Variants in CNBD1 observed in about 807,000 individuals in gnomAD.
CNBD1 encodes cyclic nucleotide binding domain containing 1, also known as cyclic nucleotide-binding domain-containing protein 1.
A neutral mutation model predicts 54.4 loss-of-function variants in CNBD1; 71 were observed. The ratio of observed to expected loss-of-function variants is 1.30; its 90% CI spans 1.08 to 1.59. CNBD1 has a LOEUF of 1.59. CNBD1 is among the 40% of genes most tolerant of loss of function. The pLI, the probability that CNBD1 is intolerant of heterozygous loss-of-function variation, is 0.00. For missense variants in CNBD1, 659 were observed against 518.0 expected (o/e 1.27, Z -2.64); for synonymous variants, 182 against 170.7 (o/e 1.07, Z -0.51).
intron 6 of CNBD1, among the ~76,000 whole-genome samples, chr8:87,284,230 C>T (rs1808649977): frequency 6.6e-6 from 1 of 151,998 alleles, no homozygotes; most frequent in African/African-American, 2.4e-5. Context: ...TTATTGTTTA[C>T]ATATTAAATT....
chr8:86,876,378 A>G (rs574282238), intron 1 of CNBD1, among the ~76,000 whole-genome samples: 1 of 152,054 alleles, frequency 6.6e-6, no homozygotes, highest in Admixed American at 6.6e-5. Context: ...ATCTTTGTGT[A>G]AAACCTTCTT....
chr8:87,298,531 C>A (rs531224895), intron 8 of CNBD1, among the ~76,000 whole-genome samples: 76 of 145,276 alleles, frequency 5.2e-4, no homozygotes, highest in Non-Finnish European at 9.6e-4. Flanking sequence ...GTCGCCCAGG[C>A]TGGAGTACAG....
intron 4 of CNBD1, among the ~76,000 whole-genome samples, chr8:87,167,595 G>A (rs1812991364): frequency 1.3e-5 from 2 of 151,740 alleles, no homozygotes; most frequent in African/African-American, 4.8e-5. Flanking sequence ...AGCATCCCAT[G>A]CTTTCTGAAC....
intron 10 of CNBD1, among the ~76,000 whole-genome samples, chr8:87,374,883 G>T (rs1052548615): frequency 1.3e-5 from 2 of 151,812 alleles, no homozygotes; most frequent in African/African-American, 4.8e-5. Flanking sequence ...GTTGAATTAA[G>T]CAACCAAGAT....
At chr8:86,870,399 GT>G (rs1808426828) in intron 1 of CNBD1, among the ~76,000 whole-genome samples, 1 of 151,552 alleles carries the variant, frequency 6.6e-6, no homozygotes, top group South Asian at 2.1e-4. Context: ...GGCTTTCACC[GT>G]GTTGGCCAGA....
intron 4 of CNBD1, among the ~76,000 whole-genome samples, chr8:86,955,631 C>T (rs911183799): frequency 6.6e-6 from 1 of 152,194 alleles, no homozygotes; most frequent in African/African-American, 2.4e-5. Flanking sequence ...TAAATATCTT[C>T]TTTTGAGAAG....
In CNBD1 at chr8:86,952,783, T is replaced by C. The variant is rs535823851; in HGVS notation, c.431+13029T>C. Among the ~76,000 whole-genome samples, 24 of 152,284 alleles carry C rather than the reference T, an allele frequency of 1.6e-4. 1 individual carries two copies. In the South Asian group the frequency reaches 2.7e-3, roughly 17 times the overall value. ...TTTTGACACGTGTAAATCTGTGGTA[T>C]AAACCATCACCGCAATTTAGATAAT... On this transcript the variant is annotated intron_variant, in intron 4 of 10. Coordinates refer to ENST00000518476, the MANE Select transcript of CNBD1 (RefSeq NM_173538.3).
chr8:87,420,664 T>G (rs1349152939), intron 2 of CNBD1, among the ~76,000 whole-genome samples: 1 of 152,082 alleles, frequency 6.6e-6, no homozygotes, highest in Non-Finnish European at 1.5e-5. Flanking sequence ...CTATTATGCT[T>G]TTGCTATTTA....
intron 6 of CNBD1, among the ~76,000 whole-genome samples, chr8:87,283,754 A>G (rs4302859): frequency 0.28 from 42,747 of 151,922 alleles, 6,456 homozygotes; most frequent in African/African-American, 0.39. Flanking sequence ...GCAAGGAGGC[A>G]CAATTCCAGG....
chr8:87,314,528 C>G (rs1809340162), intron 8 of CNBD1, among the ~76,000 whole-genome samples: 1 of 151,742 alleles, frequency 6.6e-6, no homozygotes. Context: ...ACACCAGAAC[C>G]ATTGCCATGA....
chr8:86,918,295 G>A (rs1482226234), intron 3 of CNBD1, among the ~76,000 whole-genome samples: 1 of 152,102 alleles, frequency 6.6e-6, no homozygotes, highest in Non-Finnish European at 1.5e-5. Context: ...GTGAATGGAA[G>A]TGTTTGACAG....
intron 4 of CNBD1, among the ~76,000 whole-genome samples, chr8:87,144,956 G>A (rs1344008485): frequency 6.6e-6 from 1 of 152,052 alleles, no homozygotes; most frequent in South Asian, 2.1e-4. Flanking sequence ...ATATAAAAGA[G>A]TGGTTAAGAA....
At chr8:87,087,801 G>A (rs572456914) in intron 4 of CNBD1, among the ~76,000 whole-genome samples, 2 of 152,214 alleles carry the variant, frequency 1.3e-5, no homozygotes, top group South Asian at 4.1e-4. Context: ...GGATTTTAGA[G>A]CTTGGAATTA....
intron 2 of CNBD1, among the ~76,000 whole-genome samples, chr8:86,893,407 A>C (rs1396707376): frequency 6.6e-6 from 1 of 152,164 alleles, no homozygotes; most frequent in East Asian, 1.9e-4. Flanking sequence ...AATCTTGCAC[A>C]CTGTCCCAAC....
At chr8:86,944,590 A>G (rs942404778) in intron 4 of CNBD1, among the ~76,000 whole-genome samples, 1 of 152,242 alleles carries the variant, frequency 6.6e-6, no homozygotes, top group Admixed American at 6.5e-5. Flanking sequence ...GTCTGCAAAT[A>G]GAAAAACAAA....
intron 2 of CNBD1, among the ~76,000 whole-genome samples, chr8:87,411,397 CATATATATATATATATAT>C (rs6150689): frequency 5.4e-5 from 5 of 92,412 alleles, no homozygotes; most frequent in Non-Finnish European, 4.0e-5. Context: ...CTAGCTATAT[CATATATATATATATATAT>C]ATATATATAT....
chr8:87,227,269 T>C lies in CNBD1; in HGVS notation c.578-9650T>C, dbSNP rs1243362770. 1.1e-4 allele frequency among the ~76,000 whole-genome samples: 17 copies of C among 149,360 alleles called. No individual in the cohort carries two copies. The East Asian group carries it at 3.4e-3, about 29-fold the overall frequency. ...AAAGTTAATAGTGTTATGTGTGAAT[T>C]TGATCCTGTCATTATGATGTTAGCT... On this transcript the variant is annotated intron_variant, in intron 5 of 10. Coordinates refer to ENST00000518476, the MANE Select transcript of CNBD1 (RefSeq NM_173538.3).
chr8:87,291,262 C>T (rs550823679), intron 8 of CNBD1, among the ~76,000 whole-genome samples: 4 of 141,410 alleles, frequency 2.8e-5, no homozygotes, highest in African/African-American at 8.0e-5. Context: ...GTGTCACTAT[C>T]GCCATTGAGG....
intron 8 of CNBD1, among the ~76,000 whole-genome samples, chr8:87,341,934 C>T (rs924932011): frequency 2.2e-4 from 33 of 152,274 alleles, no homozygotes; most frequent in African/African-American, 7.5e-4. Flanking sequence ...TTCATGTTCA[C>T]TCAGATACAG....
Sources: allele counts gnomAD v4.1 joint callset (sites outside exome capture counted in the v4.1 genomes callset), GRCh38; gene constraint gnomAD v4.1.1; transcripts MANE v1.5; gene names NCBI Gene and HGNC (gene_info 2026-07-23, HGNC 2026-07-21).